Variants in NPVF observed in about 807,000 individuals in gnomAD.
NPVF encodes the protein pro-FMRFamide-related neuropeptide VF.
In NPVF, 17 loss-of-function variants were observed where a neutral mutation model predicts 15.7. The ratio of observed to expected loss-of-function variants is 1.08; its 90% CI spans 0.74 to 1.62. The LOEUF is 1.62. Among genes scored for constraint, NPVF ranks in the 40% most tolerant of loss-of-function variants. NPVF has a pLI of 0.00. For missense variants in NPVF, 270 were observed against 225.2 expected (o/e 1.20, Z -1.27); for synonymous variants, 70 against 80.1 (o/e 0.87, Z 0.67).
At chr7:25,226,088 G>C (rs2023858) in intron 2 of NPVF, among the ~76,000 whole-genome samples, 143,715 of 152,256 alleles carry the variant, frequency 0.94, 67,954 homozygotes, top group East Asian at 1. Context: ...AGGTAGGTAG[G>C]TTATTAATTT....
At chr7:25,226,396 G>T (rs945026725) in intron 2 of NPVF, among the ~76,000 whole-genome samples, 7 of 152,152 alleles carry the variant, frequency 4.6e-5, no homozygotes, top group African/African-American at 1.7e-4. Flanking sequence ...CTTATATGTG[G>T]CTTAGGGGAA....
chr7:25,227,985 G>A (rs1362254885), intron 1 of NPVF, among the ~76,000 whole-genome samples: 1 of 152,128 alleles, frequency 6.6e-6, no homozygotes, highest in African/African-American at 2.4e-5. Flanking sequence ...TGAATGTCCA[G>A]CTGAAATGTA....
At position 25,226,924 on chromosome 7, in the gene NPVF, T is replaced by G. The variant is rs1783138038; in HGVS notation, c.241A>C (p.Met81Leu). ...IKMSTPAVNK[M>L]PHSFANLPLR... ...GGCAAGTTGGCGAAGGAGTGTGGCA[T>G]TTTATTGACTGCAGGTGTACTCATC... The change falls in exon 2 of 3, where the codon ATG (methionine) becomes CTG (leucine). Residue 81 changes from methionine (M) to leucine (L), a missense_variant. Coordinates refer to ENST00000222674, the MANE Select transcript of NPVF (RefSeq NM_022150.3). The G allele has an allele frequency of 1.9e-6, 3 of 1,613,558 alleles. No homozygotes were observed. The highest frequency in any genetic ancestry group is 3.3e-5 in the Admixed American group (2 of 59,916).
intron 1 of NPVF, 61 bp from the exon 2 acceptor site, chr7:25,227,087 C>T (rs1335737554): frequency 3.6e-6 from 5 of 1,379,812 alleles, no homozygotes; most frequent in Non-Finnish European, 5.0e-6. Flanking sequence ...GATTTAAACC[C>T]CCAATTAACT....
Position 25,226,861 on chromosome 7 carries a change from C to A in NPVF, c.304G>T (p.Ala102Ser). The part of the protein sequence containing the change: ...FGRNVQEERS[A>S]GATANLPLRS... ...AGAGGCAGGTTGGCTGTTGCTCCAG[C>A]ACTTCTTTCTTCTTGAACGTTCCTC... Residue 102 changes from alanine to serine, a missense_variant, in exon 2 of 3, where the codon GCT becomes TCT. Ala to Ser is a moderately conservative substitution (Grantham distance 99). Transcript: ENST00000222674. 10 of 1,614,200 alleles carry A rather than the reference C, an allele frequency of 6.2e-6. No homozygotes were observed. Among genetic ancestry groups the A allele is most frequent in the African/African-American group, 1.3e-5 (1 of 75,056 alleles).
In NPVF at chr7:25,226,715, T is replaced by A. The variant is rs375219917; in HGVS notation, c.450A>T (p.Gly150=). 71 of 1,614,080 alleles carry A rather than the reference T, an allele frequency of 4.4e-5. No homozygotes were observed. The highest frequency in any genetic ancestry group is 5.0e-5 in the Non-Finnish European group (59 of 1,180,034). The change falls in exon 2 of 3, where the codon GGA becomes GGT. Residue 150 remains glycine (G), a synonymous_variant. Coordinates refer to ENST00000222674, the MANE Select transcript of NPVF (RefSeq NM_022150.3). ...CATTGGCACATGGTGAATGCATGGA[T>A]CCTTGACACAAATCACTCAGCATCC... ...VCRMLSDLCQ[G]SMHSPCANDL... is the part of the protein sequence containing the mutation.
Position 25,224,904 on chromosome 7 carries a change from T to C in NPVF, c.*218A>G, listed in dbSNP as rs1783105974. The stretch of plus-strand genomic sequence containing the variant: ...ATTTCTAAAGCATTTGCAATGCTTT[T>C]TTTTTATTCAGACAAAAATCATTTT... On this transcript the variant is annotated 3_prime_UTR_variant, in exon 3 of 3. Coordinates refer to ENST00000222674, the MANE Select transcript of NPVF (RefSeq NM_022150.3). The C allele has an allele frequency of 4.0e-6, 2 of 505,854 alleles. No individual in the cohort carries two copies. Among genetic ancestry groups the C allele is most frequent in the African/African-American group, 2.0e-5 (1 of 50,032 alleles). The allele number at this position is 505,854 out of a possible 1,614,324, so 31.3% of individuals were successfully genotyped here.
chr7:25,228,472 C>A lies in NPVF; in HGVS notation c.-33G>T. ...AAATCTAAAATTAAGTCTCTATGTG[C>A]AGCCCAATGTTTATGAGAGGAGAAA... On this transcript the variant is annotated 5_prime_UTR_variant, in exon 1 of 3. Coordinates refer to ENST00000222674, the MANE Select transcript of NPVF (RefSeq NM_022150.3). 1 of 1,526,564 alleles carries A rather than the reference C, an allele frequency of 6.6e-7. No individual in the cohort carries two copies. Among genetic ancestry groups the A allele is most frequent in the Non-Finnish European group, 8.9e-7 (1 of 1,119,848 alleles). 94.6% of individuals were successfully genotyped at this position (1,526,564 alleles called of 1,614,324 possible).
intron 1 of NPVF, 129 bp from the exon 2 acceptor site, chr7:25,227,155 A>G: frequency 1.3e-6 from 1 of 793,214 alleles, no homozygotes; most frequent in South Asian, 2.0e-5. Flanking sequence ...TTGTGTTCAT[A>G]TGTGCAGAAT....
rs552633472 is a variant in NPVF, at chr7:25,227,386, T to C, written c.139-360A>G. On this transcript the variant is annotated intron_variant, in intron 1 of 2. Coordinates refer to ENST00000222674, the MANE Select transcript of NPVF (RefSeq NM_022150.3). The stretch of plus-strand genomic sequence containing the variant: ...TTCATGTTGCTTATGGAATATTTTA[T>C]ATATTTTTATAATTTGATTTTAGAG... 7.2e-4 allele frequency among the ~76,000 whole-genome samples: 110 copies of C among 152,304 alleles called. 1 individual carries two copies. Among genetic ancestry groups the C allele is most frequent in the Middle Eastern group, 3.4e-3 (1 of 294 alleles).
In NPVF at chr7:25,226,033, T is replaced by TA. The variant is rs201024775; in HGVS notation, c.539+592dup. 5.9e-5 allele frequency among the ~76,000 whole-genome samples: 9 copies of TA among 152,246 alleles called. No individual in the cohort carries two copies. In the East Asian group the frequency reaches 1.5e-3, roughly 26 times the overall value. On this transcript the variant is annotated intron_variant, in intron 2 of 2. Transcript: ENST00000222674. ...CTAAAGCATCATGTTCTACTTCATA[T>TA]AAAAAAAATTTTTTTTAAGCATACG...
rs145643447 is a variant in NPVF at position 25,225,777 on chromosome 7, C to T, written c.540-604G>A. 6.9e-3 allele frequency among the ~76,000 whole-genome samples: 1,049 copies of T among 152,232 alleles called. 13 individuals carry two copies. Among genetic ancestry groups the T allele is most frequent in the African/African-American group, 0.024 (989 of 41,518 alleles). Reference sequence around the variant, plus strand: ...AGTGCCTCTCTTATTTCATTCATCCCGTCAGATATTGAGGGCTTACTATGT... The same window carrying T: ...AGTGCCTCTCTTATTTCATTCATCCTGTCAGATATTGAGGGCTTACTATGT... On this transcript the variant is annotated intron_variant, in intron 2 of 2. Transcript: ENST00000222674.
Position 25,226,623 on chromosome 7 carries a change from T to C in NPVF, c.539+3A>G, listed in dbSNP as rs973621234. 6.2e-7 allele frequency: 1 copy of C among 1,612,582 alleles called. No homozygotes were observed. The highest frequency in any genetic ancestry group is 8.5e-7 in the Non-Finnish European group (1 of 1,178,812). ...GCACTTTGACTGGTTTCCAGGTATTTACCTTGACTGTTTTTGATCGGGATT... is the reference window on the plus strand; with the variant it reads ...GCACTTTGACTGGTTTCCAGGTATTCACCTTGACTGTTTTTGATCGGGATT... On this transcript the variant is annotated splice_donor_region_variant and intron_variant, in intron 2 of 2. Coordinates refer to ENST00000222674, the MANE Select transcript of NPVF (RefSeq NM_022150.3).
intron 1 of NPVF, 148 bp from the exon 2 acceptor site, chr7:25,227,174 G>GATTTGT (rs1383752933): frequency 1.5e-6 from 1 of 684,736 alleles, no homozygotes; most frequent in Non-Finnish European, 2.4e-6. Context: ...ATTTTTAAAT[G>GATTTGT]ATTTGTATTA....
At chr7:25,227,054 A>G in intron 1 of NPVF, 28 bp from the exon 2 acceptor site, 2 of 1,562,768 alleles carry the variant, frequency 1.3e-6, no homozygotes, top group Non-Finnish European at 1.7e-6. Context: ...CATTACAATA[A>G]CATACTGTTG....
In NPVF at chr7:25,225,170, T is replaced by A. The variant is rs562962356; in HGVS notation, c.543A>T (p.Arg181Ser). ...CATCATCTATTTTCTTGAATAGCAG[T>A]CTCCTAAAATGTAAGCAGTATAAAA... ...IQNPDQKQSR[R>S]LLFKKIDDAE... The change falls in exon 3 of 3, where the codon AGA (arginine) becomes AGT (serine). Residue 181 changes from arginine (R) to serine (S), a missense_variant. By Grantham distance (110) the Arg-to-Ser change is moderately radical. Transcript: ENST00000222674. 1 of 1,612,258 alleles carries A rather than the reference T, an allele frequency of 6.2e-7. No individual in the cohort carries two copies.
chr7:25,228,172 G>A, intron 1 of NPVF, 130 bp downstream of exon 1: 1 of 672,920 alleles, frequency 1.5e-6, no homozygotes, highest in Non-Finnish European at 2.6e-6. Flanking sequence ...CATTGTCAGA[G>A]GAAGGCTGAA....
chr7:25,228,341 G>A lies in NPVF; in HGVS notation c.99C>T (p.Ser33=), dbSNP rs1245361078. ...CATAATTTTCTTTGCTGTGAAGATT[G>A]GACATCACTAATTCATCTGCACAAA... ...NIFCADELVM[S]NLHSKENYDK... The change falls in exon 1 of 3, where the codon TCC becomes TCT. Residue 33 remains serine, a synonymous_variant. Transcript: ENST00000222674. 1 of 1,532,454 alleles carries A rather than the reference G, an allele frequency of 6.5e-7. No individual in the cohort carries two copies. The allele number at this position is 1,532,454 out of a possible 1,614,324, so 94.9% of individuals were successfully genotyped here.
chr7:25,225,620 T>A (rs549817716), intron 2 of NPVF, among the ~76,000 whole-genome samples: 2 of 152,356 alleles, frequency 1.3e-5, no homozygotes, highest in East Asian at 3.9e-4. Context: ...TGGCTCACCT[T>A]GCTTTAGTGC....
Sources: allele counts gnomAD v4.1 joint callset (sites outside exome capture counted in the v4.1 genomes callset), GRCh38; gene constraint gnomAD v4.1.1; transcripts MANE v1.5; gene names NCBI Gene and HGNC (gene_info 2026-07-23, HGNC 2026-07-21).